The following HCN1 variants were observed in gnomAD, a reference collection of about 807,000 sequenced individuals.
The protein encoded by HCN1 is potassium/sodium hyperpolarization-activated cyclic nucleotide-gated channel 1.
A neutral mutation model predicts 78.9 loss-of-function variants in HCN1; 13 were observed. The ratio of observed to expected loss-of-function variants is 0.16; its 90% CI spans 0.11 to 0.26. HCN1 has a LOEUF of 0.26. Among genes scored for constraint, HCN1 ranks in the 10% least tolerant of loss-of-function variants. HCN1 has a pLI of 1.00. For synonymous variants in HCN1, 552 were observed against 455.5 expected (o/e 1.21, Z -2.70); for missense variants, 810 against 1,154.3 (o/e 0.70, Z 4.32).
chr5:45,594,906 G>A (rs1406908527), intron 2 of HCN1, among the ~76,000 whole-genome samples: 1 of 152,130 alleles, frequency 6.6e-6, no homozygotes, highest in Non-Finnish European at 1.5e-5. Context: ...AAAGTTACTT[G>A]GAAATTCTGG....
chr5:45,374,368 G>T (rs564735187), intron 4 of HCN1, among the ~76,000 whole-genome samples: 1 of 141,658 alleles, frequency 7.1e-6, no homozygotes, highest in Non-Finnish European at 1.5e-5. Context: ...CCCTCAGAGA[G>T]ATATATATAT....
chr5:45,293,771 T>A (rs1183678697), intron 6 of HCN1, among the ~76,000 whole-genome samples: 1 of 151,936 alleles, frequency 6.6e-6, no homozygotes, highest in Non-Finnish European at 1.5e-5. Flanking sequence ...GAGGTGAGGA[T>A]AAAGTGACTA....
chr5:45,603,567 T>C (rs1230178183), intron 2 of HCN1, among the ~76,000 whole-genome samples: 2 of 152,070 alleles, frequency 1.3e-5, no homozygotes, highest in Non-Finnish European at 2.9e-5. Flanking sequence ...AAATGGACTC[T>C]AAACATAGCA....
chr5:45,300,661 C>A (rs921218407), intron 6 of HCN1, among the ~76,000 whole-genome samples: 2 of 152,084 alleles, frequency 1.3e-5, no homozygotes, highest in African/African-American at 2.4e-5. Context: ...TCTGCAGAGT[C>A]AAAAATTATA....
intron 4 of HCN1, among the ~76,000 whole-genome samples, chr5:45,386,364 A>G (rs1275357093): frequency 6.6e-6 from 1 of 151,724 alleles, no homozygotes; most frequent in Non-Finnish European, 1.5e-5. Flanking sequence ...CTTTTTCTAG[A>G]GACAAGGTCT....
At chr5:45,556,149 A>T (rs1743464270) in intron 2 of HCN1, among the ~76,000 whole-genome samples, 1 of 151,960 alleles carries the variant, frequency 6.6e-6, no homozygotes, top group Admixed American at 6.6e-5. Context: ...TTGGACTGGG[A>T]AAAGATTTTT....
chr5:45,497,074 G>A (rs1742051786), intron 2 of HCN1, among the ~76,000 whole-genome samples: 1 of 152,176 alleles, frequency 6.6e-6, no homozygotes, highest in Non-Finnish European at 1.5e-5. Context: ...GAGATAGTTT[G>A]TTATAATTTC....
chr5:45,397,053 T>C (rs1739701010), intron 3 of HCN1, among the ~76,000 whole-genome samples: 1 of 152,134 alleles, frequency 6.6e-6, no homozygotes, highest in Non-Finnish European at 1.5e-5. Flanking sequence ...TCAAATAGTA[T>C]TAATAATATA....
intron 4 of HCN1, among the ~76,000 whole-genome samples, chr5:45,371,700 T>C (rs1395886607): frequency 1.3e-5 from 2 of 148,404 alleles, no homozygotes; most frequent in Non-Finnish European, 3.0e-5. Flanking sequence ...AAGGTTGCAG[T>C]GAGCCAAGAT....
chr5:45,374,237 T>C (rs1039017433), intron 4 of HCN1, among the ~76,000 whole-genome samples: 1 of 117,964 alleles, frequency 8.5e-6, no homozygotes, highest in Non-Finnish European at 1.8e-5. Flanking sequence ...ATACATAACA[T>C]ATATATTATG....
chr5:45,680,106 T>C (rs942397519), intron 1 of HCN1, among the ~76,000 whole-genome samples: 1 of 152,110 alleles, frequency 6.6e-6, no homozygotes, highest in Admixed American at 6.6e-5. Flanking sequence ...GGAATATATA[T>C]CAGTTTTATT....
chr5:45,438,622 AAAAC>A (rs1368695725), intron 3 of HCN1, among the ~76,000 whole-genome samples: 175 of 152,050 alleles, frequency 1.2e-3, no homozygotes, highest in African/African-American at 3.9e-3. Context: ...CAAAAAAAGA[AAAAC>A]AAACAACAAC....
chr5:45,310,402 G>T (rs1446371319), intron 5 of HCN1, among the ~76,000 whole-genome samples: 1 of 151,960 alleles, frequency 6.6e-6, no homozygotes, highest in Non-Finnish European at 1.5e-5. Context: ...TGGCCAACAA[G>T]CATATGATAA....
rs999870374 is a variant in HCN1 at position 45,473,917 on chromosome 5, G to A, written c.850-11910C>T. On this transcript the variant is annotated intron_variant, in intron 2 of 7. Coordinates refer to ENST00000303230, the MANE Select transcript of HCN1 (RefSeq NM_021072.4). ...GCTAAATCCAATTAAAAATTTGTAA[G>A]CCACATTTGGTTGACCTCTAGGCAC... Among the ~76,000 whole-genome samples, 3 of 151,730 alleles carry A rather than the reference G, an allele frequency of 2.0e-5. No homozygotes were observed. In the East Asian group the frequency reaches 5.8e-4, roughly 29 times the overall value.
At chr5:45,297,298 C>A (rs1324636934) in intron 6 of HCN1, among the ~76,000 whole-genome samples, 1 of 152,066 alleles carries the variant, frequency 6.6e-6, no homozygotes, top group Non-Finnish European at 1.5e-5. Flanking sequence ...CGGTTTCCAC[C>A]CTGGGCGGGC....
chr5:45,669,623 G>A (rs1322416933), intron 1 of HCN1, among the ~76,000 whole-genome samples: 1 of 151,816 alleles, frequency 6.6e-6, no homozygotes, highest in Non-Finnish European at 1.5e-5. Context: ...CATGAGCCAA[G>A]TTTGTTCCAA....
intron 5 of HCN1, among the ~76,000 whole-genome samples, chr5:45,345,900 G>A (rs558407633): frequency 4.6e-5 from 7 of 152,310 alleles, no homozygotes; most frequent in African/African-American, 1.7e-4. Context: ...GAAATAGCCT[G>A]TTCTCATGCT....
chr5:45,278,037 C>G (rs1745099124), intron 6 of HCN1, among the ~76,000 whole-genome samples: 1 of 151,954 alleles, frequency 6.6e-6, no homozygotes, highest in Admixed American at 6.6e-5. Flanking sequence ...TCCTGTGATC[C>G]CTTACAGTGC....
chr5:45,284,519 TG>T, intron 6 of HCN1, among the ~76,000 whole-genome samples: 1 of 152,284 alleles, frequency 6.6e-6, no homozygotes, highest in Admixed American at 6.5e-5. Flanking sequence ...ACTTAGCATC[TG>T]TGCACTGAAA....
Sources: allele counts gnomAD v4.1 joint callset (sites outside exome capture counted in the v4.1 genomes callset), GRCh38; gene constraint gnomAD v4.1.1; transcripts MANE v1.5; gene names NCBI Gene and HGNC (gene_info 2026-07-23, HGNC 2026-07-21).